The following SDK1 variants were observed in gnomAD, a reference collection of about 807,000 sequenced individuals.
SDK1 encodes the protein sidekick cell adhesion molecule 1.
A neutral mutation model predicts 245.5 loss-of-function variants in SDK1; 157 were observed. The observed-to-expected ratio is 0.64, with a 90% CI of 0.56 to 0.73. The LOEUF (loss-of-function observed/expected upper bound fraction) is 0.73, where lower values mean the gene tolerates loss of function less well. SDK1 is among the 30% of genes least tolerant of loss of function. The pLI, the probability that SDK1 is intolerant of heterozygous loss-of-function variation, is 0.00. For missense variants in SDK1, 3,583 were observed against 3,002.3 expected (o/e 1.19, Z -4.52); for synonymous variants, 1,647 against 1,278.5 (o/e 1.29, Z -6.15).
In SDK1 at chr7:4,129,970, C is replaced by T; in HGVS notation, c.4002C>T (p.His1334=). ...EPRSHIVRGN[H]TQSALLAGLR... ...GGAGCCACATCGTGCGAGGGAACCACACGCAGTCGGCCCTGCTGGCAGGCC... is the reference window on the plus strand; with the variant it reads ...GGAGCCACATCGTGCGAGGGAACCATACGCAGTCGGCCCTGCTGGCAGGCC... The change falls in exon 27 of 45, where the codon CAC becomes CAT. Residue 1334 remains histidine (H), a synonymous_variant. Coordinates refer to ENST00000404826, the MANE Select transcript of SDK1 (RefSeq NM_152744.4). 6.2e-7 allele frequency: 1 copy of T among 1,613,858 alleles called. No homozygotes were observed. Among genetic ancestry groups the T allele is most frequent in the South Asian group, 1.1e-5 (1 of 91,080 alleles).
intron 1 of SDK1, among the ~76,000 whole-genome samples, chr7:3,336,846 C>G (rs2128552919): frequency 1.3e-5 from 2 of 152,292 alleles, no homozygotes; most frequent in Non-Finnish European, 2.9e-5. Flanking sequence ...CAATGTGAGT[C>G]ATCACCCCAC....
intron 35 of SDK1, chr7:4,179,263 A>G (rs1234696760): frequency 6.6e-6 from 1 of 152,262 alleles, no homozygotes; most frequent in Admixed American, 6.5e-5. Context: ...GACTTCACAT[A>G]GAGCCTGATG....
chr7:3,584,725 C>A (rs974195429), intron 1 of SDK1, among the ~76,000 whole-genome samples: 1 of 124,346 alleles, frequency 8.0e-6, no homozygotes, highest in Non-Finnish European at 1.6e-5. Context: ...CCCATGACTT[C>A]ACGTTATTTT....
intron 1 of SDK1, among the ~76,000 whole-genome samples, chr7:3,336,585 G>A (rs1443762996): frequency 1.3e-5 from 2 of 152,280 alleles, no homozygotes; most frequent in East Asian, 3.9e-4. Flanking sequence ...GAGGAGCGGA[G>A]CATGCTGGCA....
intron 1 of SDK1, among the ~76,000 whole-genome samples, chr7:3,431,477 T>C (rs191276253): frequency 1.3e-5 from 2 of 151,936 alleles, no homozygotes; most frequent in East Asian, 3.9e-4. Flanking sequence ...GGTCTATGAG[T>C]AAGGCTCTGC....
At chr7:3,580,615 G>A (rs1358901217) in intron 1 of SDK1, among the ~76,000 whole-genome samples, 1 of 151,950 alleles carries the variant, frequency 6.6e-6, no homozygotes, top group Non-Finnish European at 1.5e-5. Flanking sequence ...TTTACACCAT[G>A]TAAAAAAATC....
intron 1 of SDK1, among the ~76,000 whole-genome samples, chr7:3,337,117 G>A (rs1490190481): frequency 6.6e-6 from 1 of 152,180 alleles, no homozygotes; most frequent in Non-Finnish European, 1.5e-5. Context: ...TGATTTATCT[G>A]ACAAGGATTT....
At chr7:3,807,273 G>A (rs1779274730) in intron 4 of SDK1, among the ~76,000 whole-genome samples, 1 of 152,182 alleles carries the variant, frequency 6.6e-6, no homozygotes, top group Non-Finnish European at 1.5e-5. Flanking sequence ...CCCAAAGAAG[G>A]CCAAGAAGGC....
At chr7:3,729,004 C>T (rs141291603) in intron 4 of SDK1, among the ~76,000 whole-genome samples, 1 of 152,274 alleles carries the variant, frequency 6.6e-6, no homozygotes, top group East Asian at 1.9e-4. Flanking sequence ...ATATAGGATG[C>T]CAACGGTGTC....
chr7:3,602,506 C>A (rs1248343710), intron 1 of SDK1, among the ~76,000 whole-genome samples: 1 of 152,124 alleles, frequency 6.6e-6, no homozygotes, highest in Non-Finnish European at 1.5e-5. Context: ...ATGCTTCGCC[C>A]ACTTTTTGAT....
At chr7:3,427,889 G>A (rs1180104332) in intron 1 of SDK1, among the ~76,000 whole-genome samples, 1 of 114,240 alleles carries the variant, frequency 8.8e-6, no homozygotes, top group Non-Finnish European at 1.7e-5. Flanking sequence ...TGTCGTTAGT[G>A]TCTCTTAGAT....
At chr7:3,526,385 G>A (rs1270344440) in intron 1 of SDK1, among the ~76,000 whole-genome samples, 2 of 152,092 alleles carry the variant, frequency 1.3e-5, no homozygotes, top group East Asian at 3.8e-4. Context: ...AATTTTTGAA[G>A]TCAGTTCTTT....
chr7:3,443,674 A>G (rs943949925), intron 1 of SDK1, among the ~76,000 whole-genome samples: 2 of 152,158 alleles, frequency 1.3e-5, no homozygotes, highest in South Asian at 2.1e-4. Context: ...TACTTTCTTC[A>G]TTTGTAATTG....
At chr7:3,394,606 T>C (rs1027157204) in intron 1 of SDK1, among the ~76,000 whole-genome samples, 3 of 148,678 alleles carry the variant, frequency 2.0e-5, no homozygotes, top group African/African-American at 5.1e-5. Flanking sequence ...TAGATCAATT[T>C]GGGGAGAATT....
intron 5 of SDK1, among the ~76,000 whole-genome samples, chr7:3,906,209 A>G (rs1049360270): frequency 2.0e-5 from 3 of 151,884 alleles, no homozygotes; most frequent in African/African-American, 4.8e-5. Context: ...TCCATTTGCT[A>G]CTCTTCAAAT....
At chr7:3,759,499 C>T (rs1182501275) in intron 4 of SDK1, among the ~76,000 whole-genome samples, 1 of 152,016 alleles carries the variant, frequency 6.6e-6, no homozygotes, top group African/African-American at 2.4e-5. Context: ...CCTGCAGTTA[C>T]CCATAATCTG....
intron 1 of SDK1, among the ~76,000 whole-genome samples, chr7:3,481,318 G>A (rs1465775699): frequency 4.6e-5 from 7 of 152,150 alleles, no homozygotes; most frequent in Non-Finnish European, 7.3e-5. Flanking sequence ...CTTGAACTCT[G>A]TTCATCTGAC....
chr7:4,133,023 G>A (rs541662038), intron 28 of SDK1, among the ~76,000 whole-genome samples: 20 of 152,276 alleles, frequency 1.3e-4, no homozygotes, highest in African/African-American at 4.1e-4. Flanking sequence ...TGAAATATCA[G>A]GCTATGTTGA....
intron 18 of SDK1, among the ~76,000 whole-genome samples, chr7:4,050,610 G>C (rs183823091): frequency 1.3e-5 from 2 of 152,088 alleles, no homozygotes; most frequent in Non-Finnish European, 2.9e-5. Context: ...ACATGAACAC[G>C]CTTTCCTTAG....
Sources: allele counts gnomAD v4.1 joint callset (sites outside exome capture counted in the v4.1 genomes callset), GRCh38; gene constraint gnomAD v4.1.1; transcripts MANE v1.5; gene names NCBI Gene and HGNC (gene_info 2026-07-23, HGNC 2026-07-21).